Variants in CHRM5 observed in about 807,000 individuals in gnomAD.
CHRM5 encodes the protein cholinergic receptor muscarinic 5.
Under a neutral mutation model 39.0 loss-of-function variants are expected in CHRM5, and 18 were observed. The ratio of observed to expected loss-of-function variants is 0.46; its 90% CI spans 0.32 to 0.68. The LOEUF (loss-of-function observed/expected upper bound fraction) is 0.68, where lower values mean the gene tolerates loss of function less well. Ranked by LOEUF, CHRM5 falls within the 30% of genes least tolerant of loss-of-function variation. CHRM5 has a pLI of 0.04. For synonymous variants in CHRM5, 241 were observed against 246.3 expected, an observed-to-expected ratio of 0.98 and a Z score of 0.20; for missense variants, 515 against 651.1, an observed-to-expected ratio of 0.79 and a Z score of 2.28.
rs1555512719 is a variant in CHRM5 at position 33,983,140 on chromosome 15, G to GTGTGTGTGTGTGTA, written c.-408+14003_-408+14004insATGTGTGTGTGTGT. On this transcript the variant is annotated intron_variant, in intron 1 of 2. Transcript: ENST00000383263. ...ATATGTCCATACTCTGTGTGTGTGT[G>GTGTGTGTGTGTGTA]TGTGTGTGTGTGTGTGTGTATGTGT... Among the ~76,000 whole-genome samples, 155 of 118,376 alleles carry GTGTGTGTGTGTGTA rather than the reference G, an allele frequency of 1.3e-3. 1 individual carries two copies. The highest frequency in any genetic ancestry group is 6.6e-3 in the African/African-American group (148 of 22,272). The allele number at this position is 118,376 out of a possible 152,430, so 77.7% of individuals were successfully genotyped here.
At position 34,034,917 on chromosome 15, in the gene CHRM5, T is replaced by A. The variant is rs180960209; in HGVS notation, c.-407-11623T>A. Among the ~76,000 whole-genome samples the A allele has an allele frequency of 2.7e-3, 412 of 152,326 alleles. 6 individuals are homozygous for A. The highest frequency in any genetic ancestry group is 0.017 in the Middle Eastern group (5 of 294). The stretch of plus-strand genomic sequence containing the variant: ...AAAGGAAAATAAAGTCTAGAGGCTG[T>A]CATTTCAGTTTGAGCTTTTAACAGG... On this transcript the variant is annotated intron_variant, in intron 1 of 2. Transcript: ENST00000383263.
chr15:33,992,342 A>G (rs1350679501), intron 1 of CHRM5, among the ~76,000 whole-genome samples: 1 of 151,816 alleles, frequency 6.6e-6, no homozygotes, highest in African/African-American at 2.4e-5. Flanking sequence ...GTGAGCCGAG[A>G]TTGCGCCACT....
chr15:34,033,828 T>A (rs1047684189), intron 1 of CHRM5, among the ~76,000 whole-genome samples: 1 of 152,128 alleles, frequency 6.6e-6, no homozygotes, highest in African/African-American at 2.4e-5. Context: ...TCATTCTGTC[T>A]CCAGGGTAAA....
intron 1 of CHRM5, among the ~76,000 whole-genome samples, chr15:33,982,955 C>T (rs1258413246): frequency 6.6e-6 from 1 of 151,912 alleles, no homozygotes; most frequent in African/African-American, 2.4e-5. Context: ...TCCTACCCAT[C>T]AACTCCTGTT....
At chr15:33,970,896 C>A (rs1281680082) in intron 1 of CHRM5, among the ~76,000 whole-genome samples, 3 of 151,876 alleles carry the variant, frequency 2.0e-5, no homozygotes, top group Non-Finnish European at 4.4e-5. Flanking sequence ...CTTGCTCCAC[C>A]CCAATTTGGT....
At chr15:34,039,099 G>A (rs1410920363) in intron 1 of CHRM5, 4 of 1,066,362 alleles carry the variant, frequency 3.8e-6, no homozygotes, top group African/African-American at 3.4e-5. Flanking sequence ...CGGCGGAGAC[G>A]CCCTGGCCCC....
At chr15:33,993,007 C>T (rs571430831) in intron 1 of CHRM5, among the ~76,000 whole-genome samples, 180 of 152,316 alleles carry the variant, frequency 1.2e-3, no homozygotes, top group African/African-American at 4.3e-3. Flanking sequence ...TACAGACTTG[C>T]ACATAATATT....
intron 1 of CHRM5, among the ~76,000 whole-genome samples, chr15:33,978,006 AAGGG>A (rs139136537): frequency 0.017 from 2,335 of 137,302 alleles, 60 homozygotes; most frequent in African/African-American, 0.058. Flanking sequence ...GGAAGAGAGG[AAGGG>A]AGGGAGGGAG....
intron 1 of CHRM5, among the ~76,000 whole-genome samples, chr15:33,971,741 C>T (rs1394722049): frequency 6.6e-6 from 1 of 151,740 alleles, no homozygotes; most frequent in Admixed American, 6.6e-5. Flanking sequence ...ATAATGGCAC[C>T]GTGTTTCAAG....
chr15:34,034,448 A>T (rs866151469), intron 1 of CHRM5, among the ~76,000 whole-genome samples: 46 of 111,598 alleles, frequency 4.1e-4, no homozygotes, highest in African/African-American at 2.0e-3. Context: ...TTCTTTTTTA[A>T]AAAAAAAAAA....
At chr15:34,025,265 T>C (rs369006502) in intron 1 of CHRM5, among the ~76,000 whole-genome samples, 7 of 152,206 alleles carry the variant, frequency 4.6e-5, no homozygotes, top group African/African-American at 1.7e-4. Flanking sequence ...AGAGTTTTGG[T>C]TGCAAACTAT....
At chr15:34,022,771 T>A (rs1898259467) in intron 1 of CHRM5, among the ~76,000 whole-genome samples, 1 of 152,174 alleles carries the variant, frequency 6.6e-6, no homozygotes, top group Non-Finnish European at 1.5e-5. Flanking sequence ...ACACACACAC[T>A]CTCCAGCTTA....
intron 2 of CHRM5, among the ~76,000 whole-genome samples, chr15:34,055,263 C>A (rs1171272119): frequency 2.0e-5 from 3 of 151,650 alleles, no homozygotes; most frequent in African/African-American, 7.3e-5. Flanking sequence ...TTTGGGAGGC[C>A]GAGGTGGGTG....
chr15:34,017,488 T>TG (rs1567469633), intron 1 of CHRM5, among the ~76,000 whole-genome samples: 7 of 77,572 alleles, frequency 9.0e-5, no homozygotes, highest in East Asian at 5.3e-4. Flanking sequence ...TTTTTTGTTT[T>TG]TTTTTTTTTT....
At chr15:33,986,576 ATAT>A (rs1353945550) in intron 1 of CHRM5, among the ~76,000 whole-genome samples, 15 of 152,302 alleles carry the variant, frequency 9.8e-5, no homozygotes, top group African/African-American at 3.6e-4. Flanking sequence ...ACCAGCAGTA[ATAT>A]TATTAAAGAC....
At chr15:34,040,233 G>A (rs1001866633) in intron 1 of CHRM5, among the ~76,000 whole-genome samples, 5 of 152,114 alleles carry the variant, frequency 3.3e-5, no homozygotes, top group Admixed American at 6.5e-5. Context: ...TAATCTAGTC[G>A]TGTGAATAGA....
intron 1 of CHRM5, among the ~76,000 whole-genome samples, chr15:34,012,621 G>A (rs1214429975): frequency 6.6e-6 from 1 of 152,116 alleles, no homozygotes; most frequent in Admixed American, 6.5e-5. Context: ...CGTAAGTCTG[G>A]TTTCCTTAGT....
At chr15:33,999,880 C>A (rs1268908456) in intron 1 of CHRM5, among the ~76,000 whole-genome samples, 3 of 152,164 alleles carry the variant, frequency 2.0e-5, no homozygotes, top group Non-Finnish European at 4.4e-5. Context: ...CTCTTCAAAC[C>A]CTCCGCTGGT....
intron 1 of CHRM5, among the ~76,000 whole-genome samples, chr15:34,018,686 C>T (rs1229464463): frequency 6.6e-6 from 1 of 152,200 alleles, no homozygotes; most frequent in East Asian, 1.9e-4. Context: ...CAGTGGGTTG[C>T]TGCTGCTGGC....
Sources: allele counts gnomAD v4.1 joint callset (sites outside exome capture counted in the v4.1 genomes callset), GRCh38; gene constraint gnomAD v4.1.1; transcripts MANE v1.5; gene names NCBI Gene and HGNC (gene_info 2026-07-23, HGNC 2026-07-21).